SGCG: variants seen among roughly 807,000 people sequenced by gnomAD.
SGCG encodes the protein sarcoglycan gamma.
SGCG carries 26 observed loss-of-function variants against 29.3 expected under a neutral mutation model. The ratio of observed to expected loss-of-function variants is 0.89; its 90% CI spans 0.65 to 1.23. The LOEUF is 1.23. Ranked by LOEUF, SGCG falls within the 50% of genes most tolerant of loss-of-function variation. SGCG has a pLI of 0.00. For missense variants in SGCG, 353 were observed against 356.0 expected (o/e 0.99, Z 0.07); for synonymous variants, 145 against 129.7 (o/e 1.12, Z -0.80).
At chr13:23,191,166 A>G (rs487398) in intron 1 of SGCG, among the ~76,000 whole-genome samples, 91,910 of 151,528 alleles carry the variant, frequency 0.61, 28,817 homozygotes, top group African/African-American at 0.78. Flanking sequence ...TTTTAAAAGC[A>G]GAGATCAGCC....
chr13:23,182,325 G>T (rs1465493942), intron 1 of SGCG, among the ~76,000 whole-genome samples: 1 of 152,148 alleles, frequency 6.6e-6, no homozygotes, highest in East Asian at 1.9e-4. Flanking sequence ...CACAGCGCTT[G>T]TGTCTTCTCA....
chr13:23,319,166 C>T (rs1411594569), intron 6 of SGCG, among the ~76,000 whole-genome samples: 1 of 151,984 alleles, frequency 6.6e-6, no homozygotes, highest in Non-Finnish European at 1.5e-5. Flanking sequence ...GACACGGTGG[C>T]GGGTGCCTGT....
chr13:23,234,785 C>T (rs923260916), intron 3 of SGCG, 73 bp downstream of exon 3: 6 of 1,023,660 alleles, frequency 5.9e-6, no homozygotes, highest in Non-Finnish European at 9.3e-6. Flanking sequence ...AAATTCAGTA[C>T]AGTTTAGAGA....
intron 1 of SGCG, among the ~76,000 whole-genome samples, chr13:23,197,970 C>T (rs1286028775): frequency 2.0e-5 from 3 of 151,962 alleles, no homozygotes; most frequent in Non-Finnish European, 4.4e-5. Flanking sequence ...AGACGTAACA[C>T]TGAAAAAAGC....
chr13:23,218,355 T>C (rs1406706790), intron 2 of SGCG, among the ~76,000 whole-genome samples: 1 of 152,070 alleles, frequency 6.6e-6, no homozygotes, highest in African/African-American at 2.4e-5. Context: ...TTATGGCATA[T>C]AAACACCAAA....
chr13:23,203,104 C>T (rs558559834), intron 1 of SGCG, among the ~76,000 whole-genome samples: 7 of 152,144 alleles, frequency 4.6e-5, no homozygotes, highest in Non-Finnish European at 1.0e-4. Flanking sequence ...GGACTACAGG[C>T]GCCTGCCACC....
chr13:23,191,288 T>TC (rs3842654), intron 1 of SGCG, among the ~76,000 whole-genome samples: 67,914 of 151,908 alleles, frequency 0.45, 17,877 homozygotes, highest in African/African-American at 0.74. Context: ...TACACCATCT[T>TC]CCCGAGAGCT....
chr13:23,205,708 C>G lies in SGCG; in HGVS notation c.195+1819C>G, dbSNP rs141709335. ...CATTTCACTGATGGAGAAGGGCTTC[C>G]CACAGAGATCAGCACAGCCTTTCCG... On this transcript the variant is annotated intron_variant, in intron 2 of 7. Coordinates refer to ENST00000218867, the MANE Select transcript of SGCG (RefSeq NM_000231.3). Among the ~76,000 whole-genome samples the G allele has an allele frequency of 4.8e-3, 733 of 152,044 alleles. 6 individuals are homozygous for G. Among genetic ancestry groups the G allele is most frequent in the African/African-American group, 0.017 (699 of 41,482 alleles).
chr13:23,299,454 A>ATTTT (rs1882057854), intron 6 of SGCG, among the ~76,000 whole-genome samples: 11 of 42,670 alleles, frequency 2.6e-4, no homozygotes, highest in Non-Finnish European at 2.8e-4. Flanking sequence ...ATATATATAT[A>ATTTT]TATTTTTTTT....
At chr13:23,279,566 C>T (rs566765152) in intron 5 of SGCG, 88 bp downstream of exon 5, 952 of 1,323,530 alleles carry the variant, frequency 7.2e-4, no homozygotes, top group Non-Finnish European at 9.5e-4. Flanking sequence ...TATGTGGAAT[C>T]TTTCAAGCAG....
In SGCG at chr13:23,263,338, T is replaced by C. The variant is rs548598611; in HGVS notation, c.385+12621T>C. ...AGAAATACTAAGGATCATTTGAGTT[T>C]CCTGTAGACACTTCTGTGCACACAA... is the stretch of plus-strand genomic sequence containing the variant. On this transcript the variant is annotated intron_variant, in intron 4 of 7. Transcript: ENST00000218867. Among the ~76,000 whole-genome samples the C allele has an allele frequency of 5.9e-5, 9 of 152,212 alleles. No homozygotes were observed. In the South Asian group the frequency reaches 1.9e-3, roughly 32 times the overall value.
At chr13:23,215,516 G>GCA (rs1365862607) in intron 2 of SGCG, among the ~76,000 whole-genome samples, 2 of 152,008 alleles carry the variant, frequency 1.3e-5, no homozygotes, top group East Asian at 1.9e-4. Context: ...TTCTCCCATA[G>GCA]CACACACACA....
At chr13:23,223,471 A>C (rs1016883221) in intron 2 of SGCG, among the ~76,000 whole-genome samples, 1 of 152,162 alleles carries the variant, frequency 6.6e-6, no homozygotes, top group Admixed American at 6.5e-5. Context: ...CAAATGCATT[A>C]AGTTAAAAAG....
At chr13:23,205,550 G>C (rs573063844) in intron 2 of SGCG, among the ~76,000 whole-genome samples, 1 of 152,234 alleles carries the variant, frequency 6.6e-6, no homozygotes, top group South Asian at 2.1e-4. Flanking sequence ...TGAAATATGG[G>C]TGAATTAATT....
intron 5 of SGCG, among the ~76,000 whole-genome samples, chr13:23,286,332 A>C (rs1881494906): frequency 6.6e-6 from 1 of 152,218 alleles, no homozygotes; most frequent in Admixed American, 6.5e-5. Context: ...GAAATACTGG[A>C]ATTGCTGGCA....
At chr13:23,304,997 T>TCA (rs5802228) in intron 6 of SGCG, among the ~76,000 whole-genome samples, 21 of 151,734 alleles carry the variant, frequency 1.4e-4, no homozygotes, top group African/African-American at 5.1e-4. Flanking sequence ...GTGCACGTGC[T>TCA]CACACACACA....
At chr13:23,247,954 TAAAAAAAAAA>T (rs200707498) in intron 3 of SGCG, among the ~76,000 whole-genome samples, 2 of 110,728 alleles carry the variant, frequency 1.8e-5, no homozygotes, top group East Asian at 2.3e-4. Flanking sequence ...TCCCATCTCT[TAAAAAAAAAA>T]AAAAAAAAAA....
chr13:23,160,886 T>C, the SGCG span, among the ~76,000 whole-genome samples: 1 of 152,196 alleles, frequency 6.6e-6, no homozygotes, highest in Non-Finnish European at 1.5e-5. Context: ...GAGTAAAATG[T>C]AATTTAGACA....
intron 3 of SGCG, among the ~76,000 whole-genome samples, chr13:23,248,537 C>CA (rs11353202): frequency 3.3e-5 from 5 of 150,896 alleles, no homozygotes; most frequent in African/African-American, 1.2e-4. Flanking sequence ...TTCTCTACAA[C>CA]AAAAAAAATT....
Sources: gnomAD v4.1 joint callset for allele counts (sites outside exome capture counted in the v4.1 genomes callset) on GRCh38, gnomAD v4.1.1 for gene constraint, MANE v1.5 for transcripts, NCBI Gene and HGNC (gene_info 2026-07-23, HGNC 2026-07-21) for gene names.